UBAP2L: variants seen among roughly 807,000 people sequenced by gnomAD.
UBAP2L encodes ubiquitin associated protein 2 like.
In UBAP2L, 12 loss-of-function variants were observed where a neutral mutation model predicts 130.6. That is an observed-to-expected ratio of 0.09 (90% CI 0.06 to 0.15). The LOEUF (loss-of-function observed/expected upper bound fraction) is 0.15. UBAP2L is among the 10% of genes least tolerant of loss of function. The pLI is 1.00. For missense variants in UBAP2L, 965 were observed against 1,332.5 expected (o/e 0.72, Z 4.29); for synonymous variants, 503 against 524.7 (o/e 0.96, Z 0.57).
intron 4 of UBAP2L, among the ~76,000 whole-genome samples, chr1:154,230,230 C>T (rs1013035171): frequency 3.3e-5 from 5 of 152,160 alleles, no homozygotes; most frequent in Admixed American, 2.6e-4. Flanking sequence ...TGGTCTTGAA[C>T]TCCTGAGCTC....
intron 10 of UBAP2L, among the ~76,000 whole-genome samples, chr1:154,245,407 T>C (rs958798441): frequency 1.3e-5 from 2 of 152,178 alleles, no homozygotes; most frequent in Non-Finnish European, 1.5e-5. Context: ...AGCTCAAGTA[T>C]ATATTATACC....
At chr1:154,246,459 GT>G in intron 11 of UBAP2L, 84 bp downstream of exon 11, 4 of 1,469,954 alleles carry the variant, frequency 2.7e-6, no homozygotes, top group Admixed American at 2.1e-5. Context: ...AGACAGTCAG[GT>G]TTTTGGCAGG....
chr1:154,254,178 G>T lies in UBAP2L; in HGVS notation c.1854+89G>T, dbSNP rs942666606. On this transcript the variant is annotated intron_variant, in intron 15 of 26. Transcript: ENST00000428931. Reference sequence around the variant, plus strand: ...TTAGTGTTTTACTTTTCAGCAAGTGGTGCTAAGAAACTTTGGAAGTAGTGA... The same window carrying T: ...TTAGTGTTTTACTTTTCAGCAAGTGTTGCTAAGAAACTTTGGAAGTAGTGA... 23 of 1,229,142 alleles carry T rather than the reference G, an allele frequency of 1.9e-5. No individual in the cohort carries two copies. The African/African-American group carries it at 3.7e-4, about 20-fold the overall frequency. 76.1% of individuals were successfully genotyped at this position (1,229,142 alleles called of 1,614,324 possible).
chr1:154,225,326 T>A lies in UBAP2L; in HGVS notation c.90+113T>A, dbSNP rs1484077684. Reference sequence around the variant, plus strand: ...ACTGTTGGTTTAGGTTCCTTATTTTTGTTTTCTAGTCCTTGGCTCTTTTTT... The same window carrying A: ...ACTGTTGGTTTAGGTTCCTTATTTTAGTTTTCTAGTCCTTGGCTCTTTTTT... On this transcript the variant is annotated intron_variant, in intron 2 of 26. Coordinates refer to ENST00000428931, the MANE Select transcript of UBAP2L (RefSeq NM_014847.4). 11 of 1,183,396 alleles carry A rather than the reference T, an allele frequency of 9.3e-6. No individual in the cohort carries two copies. The East Asian group carries it at 2.6e-4, about 28-fold the overall frequency. 73.3% of individuals were successfully genotyped at this position (1,183,396 alleles called of 1,614,324 possible).
At chr1:154,262,622 T>G (rs949493803) in intron 24 of UBAP2L, among the ~76,000 whole-genome samples, 2 of 152,158 alleles carry the variant, frequency 1.3e-5, no homozygotes, top group African/African-American at 4.8e-5. Context: ...GGTGGGTCAG[T>G]TGCCCACAGT....
rs372855599 is a variant in UBAP2L at position 154,246,241 on chromosome 1, A to G, written c.880A>G (p.Thr294Ala). Residue 294 changes from threonine (T) to alanine (A), a missense_variant, in exon 11 of 27, where the codon ACA becomes GCA. This residue lies in a region of UBAP2L where 99 missense variants were observed against 106.4 expected (regional missense o/e 0.93). Coordinates refer to ENST00000428931, the MANE Select transcript of UBAP2L (RefSeq NM_014847.4). ...LAVLLGKTPS[T>A]MENDSSNLDP... ...TGTTCTGCTGGGGAAGACACCATCTACAATGGAGAATGATTCATCTAATCT... is the reference window on the plus strand; with the variant it reads ...TGTTCTGCTGGGGAAGACACCATCTGCAATGGAGAATGATTCATCTAATCT... 6.8e-6 allele frequency: 11 copies of G among 1,613,438 alleles called. No homozygotes were observed. Among genetic ancestry groups the G allele is most frequent in the South Asian group, 1.1e-5 (1 of 91,044 alleles).
At chr1:154,220,790 ACGCGC>A (rs1665631597), upstream of UBAP2L, 4 of 196,034 alleles carry the variant, frequency 2.0e-5, no homozygotes, top group Non-Finnish European at 4.2e-5. Flanking sequence ...GCGAGGCGGC[ACGCGC>A]ACGCTTGCGT....
At chr1:154,233,040 A>G (rs1670374603) in intron 4 of UBAP2L, among the ~76,000 whole-genome samples, 1 of 149,742 alleles carries the variant, frequency 6.7e-6, no homozygotes, top group African/African-American at 2.5e-5. Context: ...TTTGAGATGG[A>G]GACTCCTCTG....
intron 7 of UBAP2L, 151 bp downstream of exon 7, chr1:154,236,762 G>C: frequency 2.6e-6 from 2 of 758,328 alleles, no homozygotes; most frequent in Admixed American, 2.6e-5. Context: ...TTACCACCTG[G>C]ATCATTACCT....
intron 20 of UBAP2L, 49 bp downstream of exon 20, chr1:154,257,483 A>C (rs565657602): frequency 6.2e-5 from 100 of 1,601,476 alleles, no homozygotes; most frequent in Non-Finnish European, 8.0e-5. Flanking sequence ...TGTTGTGGCT[A>C]CTCTTTTTAT....
intron 10 of UBAP2L, 140 bp from the exon 11 acceptor site, chr1:154,246,064 C>A: frequency 1.4e-6 from 1 of 723,638 alleles, no homozygotes; most frequent in South Asian, 2.5e-5. Context: ...GACATTTAAG[C>A]ATTTCAAGGC....
In UBAP2L at chr1:154,255,681, A is replaced by G. The variant is rs1254313704; in HGVS notation, c.2085-2A>G. 1 of 1,613,984 alleles carries G rather than the reference A, an allele frequency of 6.2e-7. No individual in the cohort carries two copies. Among genetic ancestry groups the G allele is most frequent in the Non-Finnish European group, 8.5e-7 (1 of 1,180,012 alleles). The stretch of plus-strand genomic sequence containing the variant: ...TGATGGCAGCCTCTTTTTTTCTGAC[A>G]GCACGTTATCTACGCAGCAGAATAC... On this transcript the variant is annotated splice_acceptor_variant, in intron 17 of 26. Coordinates refer to ENST00000428931, the MANE Select transcript of UBAP2L (RefSeq NM_014847.4). LOFTEE classifies it high-confidence loss of function.
chr1:154,266,042 G>A (rs765199906), intron 24 of UBAP2L, among the ~76,000 whole-genome samples: 1 of 152,190 alleles, frequency 6.6e-6, no homozygotes, highest in Non-Finnish European at 1.5e-5. Flanking sequence ...CTTATGCAGT[G>A]GAGGCATGGA....
chr1:154,235,402 G>A (rs1671305970), intron 6 of UBAP2L, 111 bp downstream of exon 6: 2 of 603,086 alleles, frequency 3.3e-6, no homozygotes, highest in Admixed American at 3.3e-5. Flanking sequence ...ACCCAGGCCG[G>A]AGTGCAGTGG....
In UBAP2L at chr1:154,225,073, A is replaced by C. The variant is rs780745324; in HGVS notation, c.-40-11A>C. 3 of 1,594,248 alleles carry C rather than the reference A, an allele frequency of 1.9e-6. No homozygotes were observed. In the African/African-American group the frequency reaches 4.0e-5, roughly 21 times the overall value. ...CACATTTAATACCTAATTTTCTTTT[A>C]AATCTTTCAGTATTCTACCTTGTAA... is the stretch of plus-strand genomic sequence containing the variant. On this transcript the variant is annotated splice_polypyrimidine_tract_variant and intron_variant, in intron 1 of 26. Coordinates refer to ENST00000428931, the MANE Select transcript of UBAP2L (RefSeq NM_014847.4).
Position 154,254,816 on chromosome 1 carries a change from G to GTTTTT in UBAP2L, c.1855-10_1855-6dup. 1.3e-5 allele frequency: 20 copies of GTTTTT among 1,491,340 alleles called. No homozygotes were observed. The highest frequency in any genetic ancestry group is 9.9e-5 in the South Asian group (8 of 81,164). The allele number at this position is 1,491,340 out of a possible 1,614,324, so 92.4% of individuals were successfully genotyped here. A position where few individuals can be genotyped will look rare whatever the true frequency, so the allele number is the denominator to read the frequency against. ...GAGTTTGTCTGTTTCTTGCTCTTCT[G>GTTTTT]TTTTTTTTTTTTTTACCAGAATGGC... is the stretch of plus-strand genomic sequence containing the variant. On this transcript the variant is annotated intron_variant, in intron 15 of 26. Transcript: ENST00000428931.
chr1:154,237,318 A>T (rs1212659311), intron 8 of UBAP2L, among the ~76,000 whole-genome samples, 182 bp downstream of exon 8: 3 of 152,198 alleles, frequency 2.0e-5, no homozygotes, highest in Non-Finnish European at 4.4e-5. Context: ...CACATTACAC[A>T]TGTTATTTCG....
chr1:154,268,895 ACCC>A lies in UBAP2L; in HGVS notation c.3113_3115del (p.Pro1038del), dbSNP rs1291380552. 1 of 1,407,956 alleles carries A rather than the reference ACCC, an allele frequency of 7.1e-7. No homozygotes were observed. The highest frequency in any genetic ancestry group is 1.1e-5 in the South Asian group (1 of 87,818). 87.2% of individuals were successfully genotyped at this position (1,407,956 alleles called of 1,614,324 possible). ...ACCTGCCCCCTTTATGCACATTCTG[ACCC>A]CCCATCAGCAGCCGCATTCTCAGAT... On this transcript the variant is annotated inframe_deletion, in exon 26 of 27. Transcript: ENST00000428931.
In UBAP2L at chr1:154,255,309, C is replaced by T. The variant is rs1679269116; in HGVS notation, c.2067C>T (p.Thr689=). ...LSHSEEIPNT[T]TTQHSSTLST... The stretch of plus-strand genomic sequence containing the variant: ...ACAGTGAGGAGATTCCAAATACTAC[C>T]ACCACACAACACAGCAGGTGATTTG... Residue 689 remains threonine (T), a synonymous_variant, in exon 17 of 27, where the codon ACC becomes ACT. Coordinates refer to ENST00000428931, the MANE Select transcript of UBAP2L (RefSeq NM_014847.4). The T allele has an allele frequency of 1.2e-6, 2 of 1,613,908 alleles. No individual in the cohort carries two copies. The highest frequency in any genetic ancestry group is 1.1e-5 in the South Asian group (1 of 91,086).
Sources: allele counts gnomAD v4.1 joint callset (sites outside exome capture counted in the v4.1 genomes callset), GRCh38; gene constraint gnomAD v4.1.1; regional missense constraint gnomAD v4.1.1; transcripts MANE v1.5; gene names NCBI Gene and HGNC (gene_info 2026-07-23, HGNC 2026-07-21).